LINGO2: variants seen among roughly 807,000 people sequenced by gnomAD.
The protein encoded by LINGO2 is leucine-rich repeat and immunoglobulin-like domain-containing nogo receptor-interacting protein 2.
Under a neutral mutation model 30.6 loss-of-function variants are expected in LINGO2, and 14 were observed. The ratio of observed to expected loss-of-function variants is 0.46; its 90% CI spans 0.30 to 0.72. The LOEUF is 0.72. Among genes scored for constraint, LINGO2 ranks in the 30% least tolerant of loss-of-function variants. The pLI is 0.07. For synonymous variants in LINGO2, 317 were observed against 288.5 expected, an observed-to-expected ratio of 1.10 and a Z score of -1.00; for missense variants, 729 against 751.7, an observed-to-expected ratio of 0.97 and a Z score of 0.35.
At chr9:29,149,087 T>G in the LINGO2 span, among the ~76,000 whole-genome samples, 2 of 152,190 alleles carry the variant, frequency 1.3e-5, no homozygotes, top group African/African-American at 4.8e-5. Flanking sequence ...CCTCAGAGAA[T>G]TAATAGAGTC....
intron 2 of LINGO2, among the ~76,000 whole-genome samples, chr9:28,431,071 A>AGAGAGAGAGAGAGAGAGAG (rs58316928): frequency 2.7e-5 from 4 of 148,706 alleles, no homozygotes; most frequent in Non-Finnish European, 4.5e-5. Flanking sequence ...AGAGAGAGAG[A>AGAGAGAGAGAGAGAGAGAG]AACTCAAGGC....
At chr9:29,051,413 G>A in the LINGO2 span, among the ~76,000 whole-genome samples, 2 of 152,116 alleles carry the variant, frequency 1.3e-5, no homozygotes, top group South Asian at 4.1e-4. Context: ...TGAGTAATGT[G>A]CATTTCAGTT....
intron 3 of LINGO2, among the ~76,000 whole-genome samples, chr9:28,328,107 C>A (rs1227817287): frequency 6.6e-6 from 1 of 152,060 alleles, no homozygotes; most frequent in East Asian, 1.9e-4. Flanking sequence ...TATTAAAGAA[C>A]ATGGAAAATC....
chr9:29,055,715 C>A, the LINGO2 span, among the ~76,000 whole-genome samples: 1 of 152,016 alleles, frequency 6.6e-6, no homozygotes, highest in African/African-American at 2.4e-5. Context: ...CATCACCTCC[C>A]TCCCACCCTT....
the LINGO2 span, among the ~76,000 whole-genome samples, chr9:29,059,440 T>C: frequency 1.3e-5 from 2 of 150,196 alleles, no homozygotes; most frequent in Non-Finnish European, 3.0e-5. Context: ...AATAAATAAA[T>C]AAAAAAGAAC....
chr9:28,154,838 C>T (rs528940009), intron 4 of LINGO2, among the ~76,000 whole-genome samples: 1 of 152,270 alleles, frequency 6.6e-6, no homozygotes, highest in South Asian at 2.1e-4. Flanking sequence ...TGAATGAAGA[C>T]ATCTTTTAAA....
chr9:28,173,434 C>G (rs1828657707), intron 4 of LINGO2, among the ~76,000 whole-genome samples: 1 of 152,036 alleles, frequency 6.6e-6, no homozygotes, highest in Admixed American at 6.6e-5. Context: ...GGAAAAAATT[C>G]AAAGAATAAA....
chr9:28,680,973 T>C, the LINGO2 span, among the ~76,000 whole-genome samples: 1 of 152,116 alleles, frequency 6.6e-6, no homozygotes, highest in East Asian at 1.9e-4. Context: ...TTATTTTCCC[T>C]CTTGTTACTT....
At chr9:28,595,174 C>T (rs1005455734) in intron 1 of LINGO2, among the ~76,000 whole-genome samples, 7 of 152,160 alleles carry the variant, frequency 4.6e-5, no homozygotes, top group African/African-American at 1.4e-4. Context: ...TGAGAAAAAA[C>T]CCCTTTCAAT....
At chr9:28,260,410 A>C (rs1451877267) in intron 4 of LINGO2, among the ~76,000 whole-genome samples, 1 of 151,792 alleles carries the variant, frequency 6.6e-6, no homozygotes, top group African/African-American at 2.4e-5. Flanking sequence ...TCAAACTTTT[A>C]ATTCTAACTT....
At chr9:28,965,246 T>A in the LINGO2 span, among the ~76,000 whole-genome samples, 4 of 152,006 alleles carry the variant, frequency 2.6e-5, no homozygotes, top group Non-Finnish European at 5.9e-5. Flanking sequence ...AATAGTGAAC[T>A]ATTTACATAA....
intron 4 of LINGO2, among the ~76,000 whole-genome samples, chr9:28,252,937 C>G (rs963490537): frequency 6.6e-6 from 1 of 151,914 alleles, no homozygotes; most frequent in African/African-American, 2.4e-5. Context: ...TTTCTCTACA[C>G]TTAAAAAATA....
chr9:28,944,729 T>C, the LINGO2 span, among the ~76,000 whole-genome samples: 1 of 152,108 alleles, frequency 6.6e-6, no homozygotes, highest in Non-Finnish European at 1.5e-5. Flanking sequence ...AAAGAGGTTA[T>C]TGACCAGCTA....
At chr9:28,830,577 T>C in the LINGO2 span, among the ~76,000 whole-genome samples, 66 of 152,300 alleles carry the variant, frequency 4.3e-4, 1 homozygote, top group African/African-American at 1.5e-3. Context: ...ACTAATATGA[T>C]AGTCCAGGTA....
chr9:28,338,782 G>A (rs1281842566), intron 3 of LINGO2, among the ~76,000 whole-genome samples: 1 of 152,006 alleles, frequency 6.6e-6, no homozygotes, highest in South Asian at 2.1e-4. Context: ...CACCATGATT[G>A]TAAGTTTCCT....
chr9:28,198,625 A>G (rs991849), intron 4 of LINGO2, among the ~76,000 whole-genome samples: 12,646 of 152,224 alleles, frequency 0.083, 703 homozygotes, highest in East Asian at 0.2. Flanking sequence ...CTGAGAGGTC[A>G]CAACCATCAC....
chr9:29,093,404 A>G, the LINGO2 span, among the ~76,000 whole-genome samples: 15 of 133,870 alleles, frequency 1.1e-4, 4 homozygotes, highest in Non-Finnish European at 2.1e-4. Flanking sequence ...ATTATTATAT[A>G]TAATAAATAA....
the LINGO2 span, among the ~76,000 whole-genome samples, chr9:29,182,105 GGTGA>G: frequency 2.2e-4 from 34 of 152,114 alleles, no homozygotes; most frequent in African/African-American, 7.7e-4. Context: ...TGAATTTTGA[GGTGA>G]GTATCATAAT....
the LINGO2 span, among the ~76,000 whole-genome samples, chr9:28,694,996 G>A: frequency 6.7e-6 from 1 of 148,832 alleles, no homozygotes; most frequent in Admixed American, 6.7e-5. Flanking sequence ...TACTGTAGGT[G>A]AGTTGTATAC....
Sources: allele counts gnomAD v4.1 joint callset (sites outside exome capture counted in the v4.1 genomes callset), GRCh38; gene constraint gnomAD v4.1.1; transcripts MANE v1.5; gene names NCBI Gene and HGNC (gene_info 2026-07-23, HGNC 2026-07-21).